Variants in SETBP1 observed in about 807,000 individuals in gnomAD.
SETBP1 encodes the protein SET-binding protein.
In SETBP1, 9 loss-of-function variants were observed where a neutral mutation model predicts 101.0. The observed-to-expected ratio is 0.09, with a 90% CI of 0.05 to 0.16. The LOEUF (loss-of-function observed/expected upper bound fraction) is 0.16. Ranked by LOEUF, SETBP1 falls within the 10% of genes least tolerant of loss-of-function variation. The probability of loss-of-function intolerance (pLI) is 1.00; values close to 1 mark genes in which losing one functional copy is unlikely to be tolerated. For missense variants in SETBP1, 1,858 were observed against 2,033.8 expected (o/e 0.91, Z 1.66); for synonymous variants, 818 against 788.5 (o/e 1.04, Z -0.63).
intron 4 of SETBP1, among the ~76,000 whole-genome samples, chr18:44,995,135 C>CTTTTTTTT (rs58617770): frequency 1.5e-4 from 14 of 95,004 alleles, no homozygotes; most frequent in Non-Finnish European, 2.0e-4. Flanking sequence ...ATGTTATTTA[C>CTTTTTTTT]TTTTTTTTTT....
intron 1 of SETBP1, among the ~76,000 whole-genome samples, chr18:44,696,671 G>C (rs928101121): frequency 6.6e-6 from 1 of 152,134 alleles, no homozygotes; most frequent in African/African-American, 2.4e-5. Flanking sequence ...ATAGGTCTAT[G>C]GCTCTGCAGG....
intron 5 of SETBP1, among the ~76,000 whole-genome samples, chr18:45,060,599 G>T (rs2073875539): frequency 6.6e-6 from 1 of 152,022 alleles, no homozygotes; most frequent in Non-Finnish European, 1.5e-5. Flanking sequence ...AAAAGAGTTG[G>T]TTATGTCATT....
chr18:44,950,260 A>G lies in SETBP1; in HGVS notation c.920A>G (p.Glu307Gly), dbSNP rs774907816. ...SSPAPPSSSA[E>G]CNGLQPLVDQ... ...CCAGCCCCACCCAGCAGCTCTGCTG[A>G]GTGCAACGGGCTTCAGCCCTTGGTG... The change falls in exon 4 of 6, where the codon GAG becomes GGG. Residue 307 changes from glutamate (E) to glycine (G), a missense_variant. Around this residue, in one of 12 missense-constraint regions of SETBP1, gnomAD observed 581 missense variants for 535.1 expected, o/e 1.09. Transcript: ENST00000649279. The G allele has an allele frequency of 8.7e-6, 14 of 1,614,006 alleles. No homozygotes were observed. The highest frequency in any genetic ancestry group is 1.2e-5 in the Non-Finnish European group (14 of 1,180,024).
intron 2 of SETBP1, among the ~76,000 whole-genome samples, chr18:44,812,056 C>T (rs1045958055): frequency 7.9e-5 from 12 of 152,122 alleles, no homozygotes; most frequent in Admixed American, 2.6e-4. Context: ...ATACCCAGGG[C>T]TTGTAGAATT....
At chr18:45,034,141 G>A (rs371851008) in intron 4 of SETBP1, among the ~76,000 whole-genome samples, 1 of 152,174 alleles carries the variant, frequency 6.6e-6, no homozygotes, top group Admixed American at 6.5e-5. Flanking sequence ...GTGACCTTGA[G>A]CAACCTGGGG....
chr18:44,829,330 A>AT (rs900688037), intron 2 of SETBP1, among the ~76,000 whole-genome samples: 1 of 152,054 alleles, frequency 6.6e-6, no homozygotes, highest in African/African-American at 2.4e-5. Flanking sequence ...CCTGTGAATA[A>AT]TTTTTTTTGG....
chr18:44,873,630 G>T (rs1444757525), intron 3 of SETBP1, among the ~76,000 whole-genome samples: 1 of 152,162 alleles, frequency 6.6e-6, no homozygotes, highest in African/African-American at 2.4e-5. Flanking sequence ...GCGATGCTTA[G>T]GTACATCTGG....
In SETBP1 at chr18:44,701,363, C is replaced by A; in HGVS notation, c.17C>A (p.Thr6Asn). The change falls in exon 2 of 6, where the codon ACC becomes AAC. Residue 6 changes from threonine (T) to asparagine (N), a missense_variant. By Grantham distance (65) the Thr-to-Asn change is moderately conservative. Transcript: ENST00000649279. MESRE[T>N]LSSSRQRGGE... ...GAGATTGTCATGGAGTCCAGGGAAA[C>A]CTTAAGCAGCTCCCGGCAAAGAGGG... is the stretch of plus-strand genomic sequence containing the variant. 1 of 1,518,642 alleles carries A rather than the reference C, an allele frequency of 6.6e-7. No homozygotes were observed. The highest frequency in any genetic ancestry group is 1.3e-5 in the South Asian group (1 of 77,732). The allele number at this position is 1,518,642 out of a possible 1,614,324, so 94.1% of individuals were successfully genotyped here.
chr18:45,052,259 A>G (rs1423747711), intron 5 of SETBP1, among the ~76,000 whole-genome samples: 1 of 152,258 alleles, frequency 6.6e-6, no homozygotes, highest in Non-Finnish European at 1.5e-5. Flanking sequence ...AAGTGCCATC[A>G]GAGAGATACA....
chr18:44,877,472 A>G, intron 3 of SETBP1: 2 of 708,376 alleles, frequency 2.8e-6, no homozygotes, highest in Non-Finnish European at 3.5e-6. Flanking sequence ...AATAGGAATA[A>G]TGTTCACCCT....
At position 45,063,823 on chromosome 18, in the gene SETBP1, G is replaced by A. The variant is rs2073932693; in HGVS notation, c.*125G>A. 2 of 1,116,168 alleles carry A rather than the reference G, an allele frequency of 1.8e-6. No homozygotes were observed. The highest frequency in any genetic ancestry group is 2.5e-6 in the Non-Finnish European group (2 of 787,936). The allele number at this position is 1,116,168 out of a possible 1,614,324, so 69.1% of individuals were successfully genotyped here. On this transcript the variant is annotated 3_prime_UTR_variant, in exon 6 of 6. Transcript: ENST00000649279. ...CGCCCTTCTCTCCAGAAGCCGGGCA[G>A]GCAGAATCCGGCCAGACGACGGGGC...
intron 4 of SETBP1, among the ~76,000 whole-genome samples, chr18:45,019,818 A>G (rs1476374633): frequency 1.3e-5 from 2 of 152,144 alleles, no homozygotes; most frequent in Non-Finnish European, 2.9e-5. Flanking sequence ...TACCTAAAGG[A>G]CATGCATAAA....
At chr18:44,967,663 T>C (rs901632764) in intron 4 of SETBP1, among the ~76,000 whole-genome samples, 1 of 152,202 alleles carries the variant, frequency 6.6e-6, no homozygotes, top group African/African-American at 2.4e-5. Context: ...CTCAGTTCCC[T>C]GTGGTTTTAG....
intron 2 of SETBP1, among the ~76,000 whole-genome samples, chr18:44,744,683 T>A (rs2070187819): frequency 6.6e-6 from 1 of 150,588 alleles, no homozygotes; most frequent in Non-Finnish European, 1.5e-5. Context: ...TTTGCATGAG[T>A]GTGGCCCTGG....
At position 45,067,682 on chromosome 18, in the gene SETBP1, TA is replaced by T. The variant is rs1450700560; in HGVS notation, c.*3987del. 2 of 152,234 alleles carry T rather than the reference TA, an allele frequency of 1.3e-5. No homozygotes were observed. The highest frequency in any genetic ancestry group is 2.9e-5 in the Non-Finnish European group (2 of 68,040). The allele number at this position is 152,234 out of a possible 1,614,324, so 9.4% of individuals were successfully genotyped here. A position where few individuals can be genotyped will look rare whatever the true frequency, so the allele number is the denominator to read the frequency against. Reference sequence around the variant, plus strand: ...ATCGTAGCATTTTCTTGGTGTTTCTTAAAGTTTCTTTCCACAATACAAGGTC... The same window carrying T: ...ATCGTAGCATTTTCTTGGTGTTTCTTAAGTTTCTTTCCACAATACAAGGTC... On this transcript the variant is annotated 3_prime_UTR_variant, in exon 6 of 6. Coordinates refer to ENST00000649279, the MANE Select transcript of SETBP1 (RefSeq NM_015559.3).
At chr18:44,815,960 A>G (rs2071965995) in intron 2 of SETBP1, among the ~76,000 whole-genome samples, 1 of 152,216 alleles carries the variant, frequency 6.6e-6, no homozygotes. Flanking sequence ...CTGAGGCCAC[A>G]TGAATGAGTC....
At chr18:44,869,820 T>A (rs547821604) in intron 3 of SETBP1, 3 of 192,298 alleles carry the variant, frequency 1.6e-5, no homozygotes, top group African/African-American at 7.0e-5. Flanking sequence ...ATGGGCAAAC[T>A]GTGTGAGGAT....
chr18:44,916,105 A>G (rs1403205856), intron 3 of SETBP1, among the ~76,000 whole-genome samples: 1 of 152,190 alleles, frequency 6.6e-6, no homozygotes, highest in Admixed American at 6.5e-5. Context: ...ACGCGCCTGT[A>G]GTCCCAGCTA....
intron 2 of SETBP1, among the ~76,000 whole-genome samples, chr18:44,830,810 G>T (rs938481012): frequency 6.6e-6 from 1 of 152,190 alleles, no homozygotes; most frequent in Non-Finnish European, 1.5e-5. Context: ...TGGGGGAGGG[G>T]AGGGGTAGAA....
Sources: allele counts gnomAD v4.1 joint callset (sites outside exome capture counted in the v4.1 genomes callset), GRCh38; gene constraint gnomAD v4.1.1; regional missense constraint gnomAD v4.1.1; transcripts MANE v1.5; gene names NCBI Gene and HGNC (gene_info 2026-07-23, HGNC 2026-07-21).